ADGRD1: variants seen among roughly 807,000 people sequenced by gnomAD.
The protein encoded by ADGRD1 is G-protein coupled receptor 133.
In ADGRD1, 77 loss-of-function variants were observed where a neutral mutation model predicts 113.4. The observed-to-expected ratio is 0.68, with a 90% confidence interval of 0.57 to 0.82. The LOEUF is 0.82. Among genes scored for constraint, ADGRD1 ranks in the 40% least tolerant of loss-of-function variants. The pLI, the probability that ADGRD1 is intolerant of heterozygous loss-of-function variation, is 0.00. For missense variants in ADGRD1, 1,036 were observed against 1,139.1 expected (o/e 0.91, Z 1.30); for synonymous variants, 474 against 475.0 (o/e 1.00, Z 0.03).
intron 13 of ADGRD1, among the ~76,000 whole-genome samples, chr12:131,068,187 C>CAG (rs1884873915): frequency 6.6e-6 from 1 of 152,214 alleles, no homozygotes; most frequent in African/African-American, 2.4e-5. Context: ...CCCGGACAGG[C>CAG]AGAGGTCTGG....
chr12:131,046,663 GTC>G (rs1882838606), intron 13 of ADGRD1, among the ~76,000 whole-genome samples: 1 of 130,922 alleles, frequency 7.6e-6, no homozygotes, highest in Admixed American at 7.4e-5. Context: ...CCTGGTCAGT[GTC>G]CTCCCTGGTC....
chr12:131,092,101 G>T (rs1442918723), intron 15 of ADGRD1: 1 of 152,276 alleles, frequency 6.6e-6, no homozygotes, highest in African/African-American at 2.4e-5. Context: ...CTGTACTGCC[G>T]CAGGTAGGTG....
Position 131,003,110 on chromosome 12 carries a change from T to C in ADGRD1, c.1027-75T>C. The C allele has an allele frequency of 8.6e-7, 1 of 1,164,296 alleles. No homozygotes were observed. The highest frequency in any genetic ancestry group is 1.3e-6 in the Non-Finnish European group (1 of 772,808). The allele number at this position is 1,164,296 out of a possible 1,614,324, so 72.1% of individuals were successfully genotyped here. On this transcript the variant is annotated intron_variant, in intron 9 of 24. Transcript: ENST00000261654. This position sits in a 1 kb window ranked among gnomAD's most constrained non-coding sequence, Gnocchi z 4.8. ...CAACGTGGGGAAACTTGATTTTGTG[T>C]GCCTGGTGCACCTGCCTGGTGCCCT...
rs1213134372 is a variant in ADGRD1, at chr12:131,000,399, T to C, written c.983T>C (p.Val328Ala). The C allele has an allele frequency of 6.2e-7, 1 of 1,613,132 alleles. No homozygotes were observed. The highest frequency in any genetic ancestry group is 1.7e-5 in the Admixed American group (1 of 59,986). Residue 328 changes from valine (V) to alanine (A), a missense_variant, in exon 9 of 25, where the codon GTG becomes GCG. Transcript: ENST00000261654. ...LNLTKTFLKAVGEILLLPGWI... is the reference protein window; with the variant it reads ...LNLTKTFLKAAGEILLLPGWI... Reference sequence around the variant, plus strand: ...CACCTTTAGACCTTCTTAAAAGCCGTGGGAGAGATCCTTCTACTGCCTGGT... The same window carrying C: ...CACCTTTAGACCTTCTTAAAAGCCGCGGGAGAGATCCTTCTACTGCCTGGT...
chr12:131,026,069 TG>T (rs1366076347), intron 13 of ADGRD1: 2 of 152,406 alleles, frequency 1.3e-5, no homozygotes, highest in Admixed American at 6.5e-5. Flanking sequence ...TCAGTGTGTC[TG>T]GGCCCTCAGG....
chr12:131,097,244 A>T (rs914667858), intron 15 of ADGRD1, among the ~76,000 whole-genome samples: 1 of 151,864 alleles, frequency 6.6e-6, no homozygotes, highest in African/African-American at 2.4e-5. Context: ...AGGAGCCCCC[A>T]GGGTTCCTGG....
chr12:130,969,105 G>A (rs1349622541), intron 3 of ADGRD1: 10 of 1,228,486 alleles, frequency 8.1e-6, no homozygotes, highest in Non-Finnish European at 1.2e-6. Flanking sequence ...TCTTCGTTCT[G>A]TCAAGTTTGG....
chr12:131,044,839 G>A (rs1882511113), intron 13 of ADGRD1, among the ~76,000 whole-genome samples: 1 of 152,250 alleles, frequency 6.6e-6, no homozygotes, highest in African/African-American at 2.4e-5. Context: ...CTTCATTAAA[G>A]GACAAAAATG....
intron 15 of ADGRD1, among the ~76,000 whole-genome samples, chr12:131,094,080 GAGCACCCAGTCTC>G (rs1268449303): frequency 1.4e-5 from 2 of 140,278 alleles, no homozygotes; most frequent in Admixed American, 7.2e-5. Flanking sequence ...ACCCAGCCCT[GAGCACCCAGTCTC>G]AGCACCCAGC....
At chr12:131,030,127 C>T (rs12816999) in intron 13 of ADGRD1, among the ~76,000 whole-genome samples, 10 of 129,284 alleles carry the variant, frequency 7.7e-5, no homozygotes, top group African/African-American at 2.2e-4. Flanking sequence ...ACCCTTCATA[C>T]GGTGACATTC....
chr12:131,052,126 G>A (rs541441354), intron 13 of ADGRD1, among the ~76,000 whole-genome samples: 2 of 152,324 alleles, frequency 1.3e-5, no homozygotes, highest in East Asian at 3.9e-4. Flanking sequence ...CCCCAAGAAG[G>A]TTGTCCTGGA....
rs568312332 is a variant in ADGRD1 at position 131,096,307 on chromosome 12, C to T, written c.1672-8524C>T. 6.6e-5 allele frequency among the ~76,000 whole-genome samples: 10 copies of T among 152,250 alleles called. No homozygotes were observed. Among genetic ancestry groups the T allele is most frequent in the Admixed American group, 1.3e-4 (2 of 15,298 alleles). On this transcript the variant is annotated intron_variant, in intron 15 of 24. Coordinates refer to ENST00000261654, the MANE Select transcript of ADGRD1 (RefSeq NM_198827.5). This position sits in a 1 kb window ranked among gnomAD's most constrained non-coding sequence, Gnocchi z 5.2. ...CTGTGGTCCAGGCTGGAGTCAGTGG[C>T]GCCACCTTGGCTCACTGCAGCCTTG...
chr12:131,128,783 G>A (rs1950812288), intron 20 of ADGRD1, among the ~76,000 whole-genome samples: 1 of 152,134 alleles, frequency 6.6e-6, no homozygotes, highest in Non-Finnish European at 1.5e-5. Flanking sequence ...AGGAAGAGCT[G>A]CCTGAGTCTG....
intron 2 of ADGRD1, among the ~76,000 whole-genome samples, chr12:130,961,975 G>A (rs771601873): frequency 9.2e-5 from 14 of 152,172 alleles, no homozygotes; most frequent in East Asian, 1.9e-4. Flanking sequence ...CGTCGCCTCC[G>A]CCTCTCCTGC....
chr12:130,993,296 G>T (rs1874673901), intron 8 of ADGRD1, among the ~76,000 whole-genome samples: 1 of 151,944 alleles, frequency 6.6e-6, no homozygotes, highest in Non-Finnish European at 1.5e-5. Flanking sequence ...TGTGTTCAGG[G>T]ACTTGAGACA....
chr12:131,015,960 A>T (rs1878522666), intron 13 of ADGRD1, among the ~76,000 whole-genome samples: 1 of 152,180 alleles, frequency 6.6e-6, no homozygotes, highest in Non-Finnish European at 1.5e-5. Flanking sequence ...CTGTCGGCAG[A>T]TGTCTAGCAG....
chr12:131,139,139 T>C (rs776039532), intron 24 of ADGRD1, 29 bp from the exon 25 acceptor site: 2 of 1,569,332 alleles, frequency 1.3e-6, no homozygotes, highest in East Asian at 4.5e-5. Flanking sequence ...GAGCAGGCCC[T>C]TCACTGCTCA....
intron 13 of ADGRD1, among the ~76,000 whole-genome samples, chr12:131,042,373 G>A (rs985819860): frequency 6.6e-6 from 1 of 152,156 alleles, no homozygotes; most frequent in African/African-American, 2.4e-5. Flanking sequence ...CCTGAGCCGC[G>A]TTCTTGCTGC....
chr12:131,006,083 T>C (rs774544142), intron 12 of ADGRD1, 36 bp downstream of exon 12: 22 of 1,578,142 alleles, frequency 1.4e-5, no homozygotes, highest in Non-Finnish European at 1.7e-5. Context: ...GGGGCGTGGG[T>C]GTGCGTGGGT....
Sources: gnomAD v4.1 joint callset for allele counts (sites outside exome capture counted in the v4.1 genomes callset) on GRCh38, gnomAD v4.1.1 for gene constraint, Gnocchi (gnomAD v3.1) non-coding constraint, MANE v1.5 for transcripts, NCBI Gene and HGNC (gene_info 2026-07-23, HGNC 2026-07-21) for gene names.